Variants in MAP3K1 observed in about 807,000 individuals in gnomAD.
MAP3K1 encodes the protein MAP/ERK kinase kinase 1.
In MAP3K1, 36 loss-of-function variants were observed where a neutral mutation model predicts 144.2. That is an observed-to-expected ratio of 0.25 (90% CI 0.19 to 0.33). The LOEUF is 0.33. Ranked by LOEUF, MAP3K1 falls within the 10% of genes least tolerant of loss-of-function variation. The pLI, the probability that MAP3K1 is intolerant of heterozygous loss-of-function variation, is 1.00. For synonymous variants in MAP3K1, 718 were observed against 688.7 expected (o/e 1.04, Z -0.67); for missense variants, 1,650 against 1,881.9 (o/e 0.88, Z 2.28).
At chr5:56,862,382 A>T (rs1747542971) in intron 3 of MAP3K1, among the ~76,000 whole-genome samples, 1 of 152,202 alleles carries the variant, frequency 6.6e-6, no homozygotes, top group Non-Finnish European at 1.5e-5. Flanking sequence ...TGTGATAGGG[A>T]ACTACACAAG....
At chr5:56,887,099 G>T (rs1208579515) in intron 17 of MAP3K1, among the ~76,000 whole-genome samples, 1 of 152,166 alleles carries the variant, frequency 6.6e-6, no homozygotes, top group Admixed American at 6.5e-5. Context: ...TTGGTTTTCT[G>T]TCATTAGTCT....
intron 9 of MAP3K1, 61 bp downstream of exon 9, chr5:56,873,066 G>T: frequency 6.9e-7 from 1 of 1,448,656 alleles, no homozygotes; most frequent in Non-Finnish European, 9.6e-7. Context: ...TAATGTATTT[G>T]TCTCCTTCCC....
chr5:56,835,037 A>G (rs191140693), intron 1 of MAP3K1, among the ~76,000 whole-genome samples: 267 of 152,302 alleles, frequency 1.8e-3, no homozygotes, highest in Middle Eastern at 6.8e-3. Flanking sequence ...TTTCTCTCCA[A>G]TGGAACCTTT....
chr5:56,874,597 T>G (rs1282779794), intron 9 of MAP3K1, among the ~76,000 whole-genome samples: 1 of 152,206 alleles, frequency 6.6e-6, no homozygotes, highest in Admixed American at 6.5e-5. Context: ...CTTGAAACCT[T>G]CTCCTGGTGC....
chr5:56,884,535 A>T, intron 15 of MAP3K1, 129 bp from the exon 16 acceptor site: 1 of 820,758 alleles, frequency 1.2e-6, no homozygotes, highest in Non-Finnish European at 2.0e-6. Flanking sequence ...GGGTTTGTTT[A>T]AAGTACATTG....
At chr5:56,843,556 A>G (rs565846079) in intron 1 of MAP3K1, among the ~76,000 whole-genome samples, 2 of 152,158 alleles carry the variant, frequency 1.3e-5, no homozygotes, top group East Asian at 1.9e-4. Context: ...TTGGTTTCTC[A>G]TGGCTTTTTT....
intron 1 of MAP3K1, among the ~76,000 whole-genome samples, chr5:56,816,383 C>T (rs1228063414): frequency 2.0e-5 from 3 of 152,024 alleles, no homozygotes; most frequent in African/African-American, 7.2e-5. Flanking sequence ...AATCGGGGCT[C>T]TCCGAGGAGC....
Position 56,882,281 on chromosome 5 carries a change from A to G in MAP3K1, c.3081A>G (p.Leu1027=), listed in dbSNP as rs1179566159. The change falls in exon 14 of 20, where the codon CTA becomes CTG. Residue 1027 remains leucine (L), a synonymous_variant. Coordinates refer to ENST00000399503, the MANE Select transcript of MAP3K1 (RefSeq NM_005921.2). ...CTCAAACACAGCGCAAGTTTTCTCT[A>G]CAATTCCACAGAAACTGTCCTGAAA... ...ASPQTQRKFS[L]QFHRNCPENK... 1.2e-6 allele frequency: 2 copies of G among 1,614,146 alleles called. No individual in the cohort carries two copies. Among genetic ancestry groups the G allele is most frequent in the Middle Eastern group, 1.6e-4 (1 of 6,062 alleles).
At chr5:56,878,001 A>G (rs1579774297) in intron 10 of MAP3K1, among the ~76,000 whole-genome samples, 2 of 152,232 alleles carry the variant, frequency 1.3e-5, no homozygotes, top group African/African-American at 2.4e-5. Context: ...AGAACGCCAC[A>G]GAGGTGACAG....
chr5:56,864,649 A>G lies in MAP3K1; in HGVS notation c.835-85A>G, dbSNP rs1747620677. The G allele has an allele frequency of 7.0e-6, 10 of 1,433,370 alleles. No homozygotes were observed. In the East Asian group the frequency reaches 2.3e-4, roughly 33 times the overall value. The allele number at this position is 1,433,370 out of a possible 1,614,324, so 88.8% of individuals were successfully genotyped here. On this transcript the variant is annotated intron_variant, in intron 3 of 19. Transcript: ENST00000399503. The stretch of plus-strand genomic sequence containing the variant: ...CGGCCTCCCAAAGTGCTGGGATTAC[A>G]GGCGTGAGCCACCATGCCTGACCGG...
chr5:56,820,706 C>T lies in MAP3K1; in HGVS notation c.482+4651C>T, dbSNP rs141251529. ...AAACTTTTACTATTGCTAGACCCTACCCCTTTGTTATTGTTTTAGATTTCA... is the reference window on the plus strand; with the variant it reads ...AAACTTTTACTATTGCTAGACCCTATCCCTTTGTTATTGTTTTAGATTTCA... On this transcript the variant is annotated intron_variant, in intron 1 of 19. Coordinates refer to ENST00000399503, the MANE Select transcript of MAP3K1 (RefSeq NM_005921.2). The T allele has an allele frequency of 1.0e-4, 99 of 985,128 alleles. No homozygotes were observed. The East Asian group carries it at 9.6e-3, about 96-fold the overall frequency. The allele number at this position is 985,128 out of a possible 1,614,324, so 61.0% of individuals were successfully genotyped here. A position where few individuals can be genotyped will look rare whatever the true frequency, so the allele number is the denominator to read the frequency against.
At chr5:56,870,574 TC>T (rs899052391) in intron 6 of MAP3K1, among the ~76,000 whole-genome samples, 9 of 152,290 alleles carry the variant, frequency 5.9e-5, no homozygotes, top group African/African-American at 2.2e-4. Context: ...GCACGCACGT[TC>T]CCCCATCCAT....
chr5:56,882,064 T>C lies in MAP3K1; in HGVS notation c.2864T>C (p.Met955Thr), dbSNP rs180963526. The C allele has an allele frequency of 1.2e-4, 195 of 1,614,158 alleles. 1 individual carries two copies. Among genetic ancestry groups the C allele is most frequent in the Admixed American group, 8.8e-4 (53 of 59,996 alleles). The change falls in exon 14 of 20, where the codon ATG becomes ACG. Residue 955 changes from methionine to threonine, a missense_variant. Coordinates refer to ENST00000399503, the MANE Select transcript of MAP3K1 (RefSeq NM_005921.2). Reference protein sequence around the residue: ...TTTTTEQPKPMVQTKGRPHSQ... With the variant: ...TTTTTEQPKPTVQTKGRPHSQ... ...ACAACAACAGAGCAACCAAAGCCAA[T>C]GGTTCAAACAAAAGGCAGACCCCAC...
At chr5:56,850,747 G>T (rs1320891645) in intron 1 of MAP3K1, among the ~76,000 whole-genome samples, 1 of 152,138 alleles carries the variant, frequency 6.6e-6, no homozygotes, top group East Asian at 1.9e-4. Context: ...ACCTCACAGG[G>T]TTGCTGGAAG....
At chr5:56,838,131 C>A (rs1318070940) in intron 1 of MAP3K1, among the ~76,000 whole-genome samples, 1 of 152,078 alleles carries the variant, frequency 6.6e-6, no homozygotes, top group South Asian at 2.1e-4. Flanking sequence ...AACTTTGGTC[C>A]GGTATCAGTC....
intron 19 of MAP3K1, among the ~76,000 whole-genome samples, chr5:56,888,943 C>T (rs1748465069): frequency 1.3e-5 from 2 of 152,280 alleles, no homozygotes; most frequent in African/African-American, 2.4e-5. Context: ...TAGTGACATA[C>T]ATAGTCACTT....
At chr5:56,866,369 C>T (rs1488331772) in intron 6 of MAP3K1, among the ~76,000 whole-genome samples, 1 of 152,136 alleles carries the variant, frequency 6.6e-6, no homozygotes, top group Non-Finnish European at 1.5e-5. Context: ...GATCGCACCA[C>T]TGCCTAGGTG....
intron 16 of MAP3K1, among the ~76,000 whole-genome samples, chr5:56,885,379 T>C (rs1748348855): frequency 3.3e-5 from 2 of 59,968 alleles, no homozygotes; most frequent in Non-Finnish European, 9.0e-5. Flanking sequence ...CATTTCTCTT[T>C]ACCAGTCAGT....
chr5:56,861,566 C>A (rs1250491744), intron 3 of MAP3K1, among the ~76,000 whole-genome samples: 32 of 85,632 alleles, frequency 3.7e-4, no homozygotes, highest in Non-Finnish European at 6.2e-4. Context: ...GAGTGAGACT[C>A]CTAAAAAAAA....
Sources: gnomAD v4.1 joint callset for allele counts (sites outside exome capture counted in the v4.1 genomes callset) on GRCh38, gnomAD v4.1.1 for gene constraint, MANE v1.5 for transcripts, NCBI Gene and HGNC (gene_info 2026-07-23, HGNC 2026-07-21) for gene names.